The following ATIC variants were observed in gnomAD, a reference collection of about 807,000 sequenced individuals.
The protein encoded by ATIC is bifunctional purine biosynthesis protein ATIC.
ATIC carries 64 observed loss-of-function variants against 72.5 expected under a neutral mutation model. The ratio of observed to expected loss-of-function variants is 0.88; its 90% CI spans 0.72 to 1.09. The LOEUF (loss-of-function observed/expected upper bound fraction) is 1.09, where lower values mean the gene tolerates loss of function less well. Among genes scored for constraint, ATIC ranks in the 50% least tolerant of loss-of-function variants. The pLI is 0.00. For missense variants in ATIC, 787 were observed against 732.4 expected, an observed-to-expected ratio of 1.07 and a Z score of -0.86; for synonymous variants, 281 against 267.1, an observed-to-expected ratio of 1.05 and a Z score of -0.51.
rs1036341653 is a variant in ATIC at position 215,347,012 on chromosome 2, A to G, written c.1503+71A>G. 9 of 1,532,766 alleles carry G rather than the reference A, an allele frequency of 5.9e-6. No homozygotes were observed. The African/African-American group carries it at 8.2e-5, about 14-fold the overall frequency. The allele number at this position is 1,532,766 out of a possible 1,614,324, so 94.9% of individuals were successfully genotyped here. A position where few individuals can be genotyped will look rare whatever the true frequency, so the allele number is the denominator to read the frequency against. Reference sequence around the variant, plus strand: ...CAACCCTTTATGTGTAACAGATTTTAACTTCATCACCACACAGAGAAAAAG... The same window carrying G: ...CAACCCTTTATGTGTAACAGATTTTGACTTCATCACCACACAGAGAAAAAG... On this transcript the variant is annotated intron_variant, in intron 14 of 15. Coordinates refer to ENST00000236959, the MANE Select transcript of ATIC (RefSeq NM_004044.7).
chr2:215,352,687 A>G (rs1383367572), downstream of ATIC, among the ~76,000 whole-genome samples: 1 of 152,248 alleles, frequency 6.6e-6, no homozygotes, highest in Admixed American at 6.5e-5. Flanking sequence ...TTGAATATCA[A>G]ATACCCAGTC....
intron 4 of ATIC, among the ~76,000 whole-genome samples, chr2:215,322,701 T>C (rs1004320160): frequency 2.6e-5 from 4 of 152,178 alleles, no homozygotes; most frequent in Non-Finnish European, 5.9e-5. Flanking sequence ...CATTTTAAGT[T>C]AATTTTCATA....
At chr2:215,332,315 A>G (rs2052904162) in intron 7 of ATIC, 67 bp from the exon 8 acceptor site, 1 of 1,598,222 alleles carries the variant, frequency 6.3e-7, no homozygotes, top group Admixed American at 1.7e-5. Flanking sequence ...TATTTTTTTG[A>G]GAAGTGTGCA....
intron 4 of ATIC, among the ~76,000 whole-genome samples, chr2:215,322,333 T>A (rs6714224): frequency 6.7e-6 from 1 of 149,166 alleles, no homozygotes; most frequent in Non-Finnish European, 1.5e-5. Flanking sequence ...TTCTTTCTTT[T>A]TTTTTTTTTT....
the ATIC span, chr2:215,364,783 A>G: frequency 1.2e-6 from 1 of 802,396 alleles, no homozygotes; most frequent in Admixed American, 2.0e-5. Flanking sequence ...ATACTTCCGA[A>G]GGGTCTCTGC....
At chr2:215,345,038 AATG>A in intron 13 of ATIC, 167 bp downstream of exon 13, 1 of 721,176 alleles carries the variant, frequency 1.4e-6, no homozygotes, top group South Asian at 1.6e-5. Context: ...TGTTAAAACT[AATG>A]ATGATCAGAA....
the ATIC span, among the ~76,000 whole-genome samples, chr2:215,360,163 C>G: frequency 6.6e-6 from 1 of 152,192 alleles, no homozygotes; most frequent in Non-Finnish European, 1.5e-5. Flanking sequence ...GTCTCAAACT[C>G]CTGACCTCAG....
downstream of ATIC, among the ~76,000 whole-genome samples, chr2:215,351,486 G>A (rs1390789725): frequency 1.3e-5 from 2 of 152,174 alleles, no homozygotes; most frequent in Non-Finnish European, 2.9e-5. Context: ...AACAGGCTGA[G>A]CACTGTGTCT....
At chr2:215,349,350 C>T (rs566961849) in intron 15 of ATIC, 101 bp downstream of exon 15, 108 of 1,581,670 alleles carry the variant, frequency 6.8e-5, no homozygotes, top group Non-Finnish European at 8.1e-5. Context: ...CAAAGTGATA[C>T]AGATCAGTAA....
chr2:215,335,673 G>A (rs1357567900), intron 10 of ATIC, among the ~76,000 whole-genome samples: 1 of 152,210 alleles, frequency 6.6e-6, no homozygotes, highest in African/African-American at 2.4e-5. Context: ...CGCCTTGCCG[G>A]AAGAGGTCAT....
the ATIC span, chr2:215,364,722 T>C: frequency 1.5e-6 from 1 of 678,620 alleles, no homozygotes; most frequent in East Asian, 2.7e-5. Context: ...ATAGAGCTGC[T>C]CTAGAGCTCT....
intron 4 of ATIC, among the ~76,000 whole-genome samples, chr2:215,321,270 A>G (rs1297779312): frequency 6.6e-6 from 1 of 152,116 alleles, no homozygotes; most frequent in East Asian, 1.9e-4. Flanking sequence ...TTCACTTAGC[A>G]TGTTTTCAAG....
At chr2:215,351,528 T>C (rs2053130451), downstream of ATIC, among the ~76,000 whole-genome samples, 1 of 152,124 alleles carries the variant, frequency 6.6e-6, no homozygotes, top group Admixed American at 6.5e-5. Flanking sequence ...TTGGGAGGAT[T>C]GCTTGAGGCC....
chr2:215,363,545 C>T, the ATIC span: 1 of 152,374 alleles, frequency 6.6e-6, no homozygotes, highest in South Asian at 2.1e-4. Context: ...CCAAGACAGG[C>T]CCCTGAACAC....
intron 4 of ATIC, among the ~76,000 whole-genome samples, chr2:215,323,088 G>A: frequency 6.6e-6 from 1 of 152,108 alleles, no homozygotes; most frequent in East Asian, 1.9e-4. Context: ...GGGACTATAG[G>A]CGCCCGCTAC....
chr2:215,313,924 T>C (rs7605074), intron 2 of ATIC, among the ~76,000 whole-genome samples: 196 of 152,312 alleles, frequency 1.3e-3, no homozygotes, highest in African/African-American at 4.2e-3. Context: ...GTGCTTTCCA[T>C]TGGGCCAAGT....
rs372300174 is a variant in ATIC at position 215,333,438 on chromosome 2, G to A, written c.903G>A (p.Ala301=). The change falls in exon 9 of 16, where the codon GCG becomes GCA. Residue 301 remains alanine (A), a synonymous_variant. Transcript: ENST00000236959. ...ATAAAACCCTCACACCCATCTCAGC[G>A]GCATATGCAAGAGCAAGAGGTCAGA... is the stretch of plus-strand genomic sequence containing the variant. ...DLYKTLTPIS[A]AYARARGADR... is the part of the protein sequence containing the mutation. The A allele has an allele frequency of 8.7e-5, 141 of 1,613,988 alleles. 3 individuals carry two copies. The South Asian group carries it at 1.3e-3, about 15-fold the overall frequency.
At chr2:215,347,255 C>A in intron 14 of ATIC, 1 of 402,534 alleles carries the variant, frequency 2.5e-6, no homozygotes, top group Non-Finnish European at 4.7e-6. Flanking sequence ...TGCTTTTCAC[C>A]TACGTCGAGG....
intron 13 of ATIC, 161 bp downstream of exon 13, chr2:215,345,032 AAAAC>A: frequency 1.3e-6 from 1 of 742,324 alleles, no homozygotes; most frequent in Non-Finnish European, 2.3e-6. Context: ...GTGGGCTGTT[AAAAC>A]TAATGATGAT....
Sources: allele counts gnomAD v4.1 joint callset (sites outside exome capture counted in the v4.1 genomes callset), GRCh38; gene constraint gnomAD v4.1.1; transcripts MANE v1.5; gene names NCBI Gene and HGNC (gene_info 2026-07-23, HGNC 2026-07-21).